CLASP2: variants seen among roughly 807,000 people sequenced by gnomAD.
The protein encoded by CLASP2 is CLIP-associating protein 2.
In CLASP2, 47 loss-of-function variants were observed where a neutral mutation model predicts 194.4. The ratio of observed to expected loss-of-function variants is 0.24; its 90% CI spans 0.19 to 0.31. The LOEUF is 0.31. Ranked by LOEUF, CLASP2 falls within the 10% of genes least tolerant of loss-of-function variation. CLASP2 has a pLI of 1.00. For synonymous variants in CLASP2, 619 were observed against 633.5 expected (o/e 0.98, Z 0.34); for missense variants, 1,445 against 1,823.6 (o/e 0.79, Z 3.78).
chr3:33,565,844 T>C (rs2154185454), intron 27 of CLASP2, among the ~76,000 whole-genome samples: 1 of 151,208 alleles, frequency 6.6e-6, no homozygotes, highest in Non-Finnish European at 1.5e-5. Flanking sequence ...GTATATAATA[T>C]ATATAATAAA....
rs560504448 is a variant in CLASP2, at chr3:33,517,108, C to T, written c.3854G>A (p.Arg1285His). ...LLKELSNHNE[R>H]VEERKIALYE... ...GAGGGCAATTTTTCTTTCTTCTACA[C>T]GCTCATTATGGTTAGACAGCTCCTT... The change falls in exon 35 of 39, where the codon CGT becomes CAT. Residue 1285 changes from arginine to histidine, a missense_variant. By Grantham distance (29) the Arg-to-His change is conservative. Around this residue, in one of 4 missense-constraint regions of CLASP2, gnomAD observed 732 missense variants for 987.9 expected, o/e 0.74. Transcript: ENST00000682230. The T allele has an allele frequency of 7.7e-5, 125 of 1,613,582 alleles. No individual in the cohort carries two copies. Among genetic ancestry groups the T allele is most frequent in the Admixed American group, 2.7e-4 (16 of 59,982 alleles).
At chr3:33,639,458 G>A (rs1300606448) in intron 8 of CLASP2, among the ~76,000 whole-genome samples, 1 of 152,160 alleles carries the variant, frequency 6.6e-6, no homozygotes, top group Non-Finnish European at 1.5e-5. Flanking sequence ...TAGGTCTTTA[G>A]TTGGCTTAAT....
intron 1 of CLASP2, among the ~76,000 whole-genome samples, chr3:33,703,506 T>C (rs1037171691): frequency 2.0e-5 from 3 of 152,224 alleles, no homozygotes; most frequent in Non-Finnish European, 2.9e-5. Context: ...CTGGTGGGAA[T>C]GCAAAACAGT....
chr3:33,580,477 C>T (rs1203096656), intron 23 of CLASP2, among the ~76,000 whole-genome samples: 4 of 150,854 alleles, frequency 2.7e-5, no homozygotes, highest in South Asian at 2.1e-4. Context: ...GCAGGAGAAT[C>T]GATTGAACCT....
Position 33,626,333 on chromosome 3 carries a change from T to C in CLASP2, c.1035+655A>G, listed in dbSNP as rs573876598. 3.9e-5 allele frequency among the ~76,000 whole-genome samples: 6 copies of C among 152,152 alleles called. No individual in the cohort carries two copies. In the South Asian group the frequency reaches 1.2e-3, roughly 31 times the overall value. On this transcript the variant is annotated intron_variant, in intron 10 of 38. Transcript: ENST00000682230. ...CTTTTCTCTGGCTTCTTGAAAACTC[T>C]GAGGTACTCATTTGGTAAATGTAAT...
rs2093376957 is a variant in CLASP2 at position 33,718,047 on chromosome 3, T to C, written c.-45A>G. ...CCTGCCAGTCTGTGAGCGGCCAACTTTCGCCGAGAGCCGCCCAGCCTCCAG... is the reference window on the plus strand; with the variant it reads ...CCTGCCAGTCTGTGAGCGGCCAACTCTCGCCGAGAGCCGCCCAGCCTCCAG... On this transcript the variant is annotated 5_prime_UTR_variant, in exon 1 of 39. Coordinates refer to ENST00000682230, the MANE Select transcript of CLASP2 (RefSeq NM_001365631.1). 6.9e-7 allele frequency: 1 copy of C among 1,441,346 alleles called. No homozygotes were observed. The highest frequency in any genetic ancestry group is 9.0e-7 in the Non-Finnish European group (1 of 1,105,162). 89.3% of individuals were successfully genotyped at this position (1,441,346 alleles called of 1,614,324 possible).
chr3:33,606,317 T>C lies in CLASP2; in HGVS notation c.1694+274A>G, dbSNP rs143327027. Among the ~76,000 whole-genome samples, 139 of 152,134 alleles carry C rather than the reference T, an allele frequency of 9.1e-4. No homozygotes were observed. The East Asian group carries it at 0.023, about 25-fold the overall frequency. Reference sequence around the variant, plus strand: ...TTTATTGTAAGTACTGTTTTTGTGGTATTAAAAAAAAATGTAGTGCTTCCC... The same window carrying C: ...TTTATTGTAAGTACTGTTTTTGTGGCATTAAAAAAAAATGTAGTGCTTCCC... On this transcript the variant is annotated intron_variant, in intron 16 of 38. Coordinates refer to ENST00000682230, the MANE Select transcript of CLASP2 (RefSeq NM_001365631.1).
chr3:33,590,070 C>G (rs2068365376), intron 21 of CLASP2, among the ~76,000 whole-genome samples: 1 of 152,000 alleles, frequency 6.6e-6, no homozygotes, highest in Non-Finnish European at 1.5e-5. Flanking sequence ...TAAGGATCAT[C>G]TGCAGTATTT....
At chr3:33,649,816 G>A (rs2154317700) in intron 7 of CLASP2, among the ~76,000 whole-genome samples, 1 of 152,294 alleles carries the variant, frequency 6.6e-6, no homozygotes, top group Admixed American at 6.5e-5. Flanking sequence ...TAACAGAGAA[G>A]TGAATCAAAT....
At chr3:33,604,285 G>T in intron 16 of CLASP2, 76 bp from the exon 17 acceptor site, 2 of 907,912 alleles carry the variant, frequency 2.2e-6, no homozygotes, top group Middle Eastern at 2.4e-4. Context: ...AAATACTACT[G>T]AATTTTGTGG....
intron 33 of CLASP2, among the ~76,000 whole-genome samples, chr3:33,537,759 T>A (rs2057636358): frequency 6.6e-6 from 1 of 152,108 alleles, no homozygotes; most frequent in Admixed American, 6.6e-5. Context: ...AACACATTCT[T>A]AACTGTAGCC....
intron 1 of CLASP2, among the ~76,000 whole-genome samples, chr3:33,710,347 T>G (rs568754779): frequency 6.6e-6 from 1 of 152,356 alleles, no homozygotes; most frequent in African/African-American, 2.4e-5. Flanking sequence ...ATGTTTTTAA[T>G]TATTATCATA....
intron 5 of CLASP2, among the ~76,000 whole-genome samples, chr3:33,686,279 A>G (rs1017530676): frequency 3.9e-5 from 6 of 152,134 alleles, no homozygotes; most frequent in Non-Finnish European, 8.8e-5. Context: ...TATTATACCT[A>G]TAGTATAGAC....
At chr3:33,520,511 T>A (rs2052704726) in intron 34 of CLASP2, among the ~76,000 whole-genome samples, 2 of 151,996 alleles carry the variant, frequency 1.3e-5, no homozygotes, top group South Asian at 4.2e-4. Flanking sequence ...GGTAATCAGG[T>A]GTAAGCTGCT....
rs1156505710 is a variant in CLASP2, at chr3:33,580,873, G to A, written c.2347+948C>T. On this transcript the variant is annotated intron_variant, in intron 23 of 38. Transcript: ENST00000682230. Reference sequence around the variant, plus strand: ...TACTGAAAATACAAAAAAATTAGCCGGGCGTGGTGGCAGGCGCCTGTAGTC... The same window carrying A: ...TACTGAAAATACAAAAAAATTAGCCAGGCGTGGTGGCAGGCGCCTGTAGTC... Among the ~76,000 whole-genome samples, 19 of 151,634 alleles carry A rather than the reference G, an allele frequency of 1.3e-4. No individual in the cohort carries two copies. In the South Asian group the frequency reaches 1.5e-3, roughly 12 times the overall value.
At chr3:33,572,911 ATT>A (rs80341372) in intron 25 of CLASP2, among the ~76,000 whole-genome samples, 197 bp downstream of exon 25, 16 of 139,494 alleles carry the variant, frequency 1.1e-4, no homozygotes, top group Middle Eastern at 3.6e-3. Context: ...AGAACAAATA[ATT>A]TTTTTTTTTT....
At chr3:33,550,392 C>CAAAAAA (rs555351261) in intron 30 of CLASP2, among the ~76,000 whole-genome samples, 8 of 51,670 alleles carry the variant, frequency 1.5e-4, no homozygotes, top group African/African-American at 3.9e-4. Flanking sequence ...GAGACTGCCT[C>CAAAAAA]AAAAAAAAAA....
chr3:33,570,654 T>C, intron 26 of CLASP2, 73 bp downstream of exon 26: 1 of 1,537,842 alleles, frequency 6.5e-7, no homozygotes, highest in Non-Finnish European at 8.8e-7. Flanking sequence ...AAAAATGGCC[T>C]ACAGTTTTTC....
chr3:33,703,722 G>A (rs917019560), intron 1 of CLASP2, among the ~76,000 whole-genome samples: 1 of 152,218 alleles, frequency 6.6e-6, no homozygotes, highest in Non-Finnish European at 1.5e-5. Flanking sequence ...CTGGACTCAA[G>A]CAATCCACTG....
Sources: gnomAD v4.1 joint callset for allele counts (sites outside exome capture counted in the v4.1 genomes callset) on GRCh38, gnomAD v4.1.1 for gene constraint, gnomAD v4.1.1 regional missense constraint, MANE v1.5 for transcripts, NCBI Gene and HGNC (gene_info 2026-07-23, HGNC 2026-07-21) for gene names.